OPHN1: variants seen among roughly 807,000 people sequenced by gnomAD.
The protein encoded by OPHN1 is oligophrenin-1.
A neutral mutation model predicts 60.7 loss-of-function variants in OPHN1; 11 were observed. That is an observed-to-expected ratio of 0.18 (90% CI 0.11 to 0.30). The LOEUF is 0.30. OPHN1 is among the 10% of genes least tolerant of loss of function. OPHN1 has a pLI of 1.00. For missense variants in OPHN1, 449 were observed against 611.0 expected (o/e 0.73, Z 2.80); for synonymous variants, 226 against 222.6 (o/e 1.02, Z -0.14).
rs369528679 is a variant in OPHN1 at position 68,419,405 on chromosome X, T to A, written c.154+13462A>T. ...CCCATTTAGTACCATTACAGAACAA[T>A]CATCCCCAAACTCAACATTCACAGG... On this transcript the variant is annotated intron_variant, in intron 2 of 24. Coordinates refer to ENST00000355520, the MANE Select transcript of OPHN1 (RefSeq NM_002547.3). 8.1e-5 allele frequency among the ~76,000 whole-genome samples: 9 copies of A among 110,790 alleles called. No homozygotes were observed. In the East Asian group the frequency reaches 2.3e-3, roughly 28 times the overall value.
At chrX:68,277,618 C>T (rs774820598) in intron 4 of OPHN1, among the ~76,000 whole-genome samples, 1 of 110,806 alleles carries the variant, frequency 9.0e-6, no homozygotes, top group East Asian at 2.9e-4. Context: ...GGTGAAACCC[C>T]GTCTCTGCTA....
intron 15 of OPHN1, among the ~76,000 whole-genome samples, chrX:68,175,758 G>T (rs2077411816): frequency 9.0e-6 from 1 of 111,713 alleles, no homozygotes; most frequent in African/African-American, 3.3e-5. Flanking sequence ...CCTCAATAAT[G>T]AAGGTTCTCC....
intron 2 of OPHN1, among the ~76,000 whole-genome samples, chrX:68,407,142 T>C (rs1308881975): frequency 8.9e-6 from 1 of 112,727 alleles, no homozygotes; most frequent in Non-Finnish European, 1.9e-5. Context: ...AGGCGGAGGT[T>C]GCAGTGAGCC....
At position 68,299,014 on chromosome X, in the gene OPHN1, A is replaced by G. The variant is rs143062911; in HGVS notation, c.237T>C (p.Asp79=). The G allele has an allele frequency of 1.2e-4, 138 of 1,179,997 alleles. No individual in the cohort carries two copies. In the African/African-American group the frequency reaches 2.0e-3, roughly 17 times the overall value. ...CTGAAGACTTACCGATGTTAATTTCATCATCAGTCAGAGTGTCTCCAATGA... is the reference window on the plus strand; with the variant it reads ...CTGAAGACTTACCGATGTTAATTTCGTCATCAGTCAGAGTGTCTCCAATGA... ...FDFIGDTLTD[D]EINIAESFKE... Residue 79 remains aspartate (D), a synonymous_variant, in exon 3 of 25, where the codon GAT becomes GAC. Transcript: ENST00000355520.
intron 2 of OPHN1, among the ~76,000 whole-genome samples, chrX:68,393,810 C>T (rs2078665959): frequency 9.6e-6 from 1 of 104,583 alleles, no homozygotes; most frequent in South Asian, 4.5e-4. Flanking sequence ...TGAAATGTAC[C>T]TGGGTGTCAA....
chrX:68,336,863 G>GTA (rs2078326063), intron 2 of OPHN1, among the ~76,000 whole-genome samples: 1 of 110,591 alleles, frequency 9.0e-6, no homozygotes, highest in Admixed American at 9.8e-5. Flanking sequence ...AGACCAGCCT[G>GTA]GCCAACATGG....
At chrX:68,219,732 T>C (rs1393592478) in intron 6 of OPHN1, among the ~76,000 whole-genome samples, 1 of 107,001 alleles carries the variant, frequency 9.3e-6, no homozygotes, top group Non-Finnish European at 1.9e-5. Flanking sequence ...TTGAAACCAA[T>C]GAGAACAAAG....
At chrX:68,068,465 C>T (rs1299945470) in intron 20 of OPHN1, among the ~76,000 whole-genome samples, 4 of 44,873 alleles carry the variant, frequency 8.9e-5, no homozygotes, top group African/African-American at 2.1e-4. Context: ...TGTGAGACTC[C>T]ATCTCAAAAA....
chrX:68,245,635 T>C (rs757202323), intron 5 of OPHN1, among the ~76,000 whole-genome samples: 1 of 111,906 alleles, frequency 8.9e-6, no homozygotes, highest in East Asian at 2.8e-4. Flanking sequence ...TCTGACTTTG[T>C]GTCCCATTTG....
intron 15 of OPHN1, among the ~76,000 whole-genome samples, chrX:68,137,535 C>T (rs2077225759): frequency 9.0e-6 from 1 of 111,392 alleles, no homozygotes; most frequent in African/African-American, 3.3e-5. Flanking sequence ...GAAGTCAGAC[C>T]TTCCTAAGCA....
At chrX:68,241,589 G>A (rs998053091) in intron 5 of OPHN1, among the ~76,000 whole-genome samples, 1 of 111,271 alleles carries the variant, frequency 9.0e-6, no homozygotes, top group African/African-American at 3.3e-5. Context: ...ATTTGACAAA[G>A]GTCTAGTATG....
At chrX:68,140,014 C>T (rs1280200416) in intron 15 of OPHN1, among the ~76,000 whole-genome samples, 3 of 112,543 alleles carry the variant, frequency 2.7e-5, no homozygotes, top group African/African-American at 9.7e-5. Flanking sequence ...AAGAGGGAAA[C>T]TAAACCCTAA....
chrX:68,062,559 C>T (rs749469322), intron 21 of OPHN1, among the ~76,000 whole-genome samples: 2 of 112,427 alleles, frequency 1.8e-5, no homozygotes, highest in South Asian at 7.5e-4. Flanking sequence ...GCCAAGCCCT[C>T]TTATCTAAAC....
At chrX:68,314,246 G>A (rs1189028696) in intron 2 of OPHN1, among the ~76,000 whole-genome samples, 1 of 111,640 alleles carries the variant, frequency 9.0e-6, no homozygotes, top group Non-Finnish European at 1.9e-5. Flanking sequence ...ACCGGGCCAG[G>A]CACAGTGGCT....
At position 68,234,543 on chromosome X, in the gene OPHN1, A is replaced by T; in HGVS notation, c.430T>A (p.Leu144Ile). Reference protein sequence around the residue: ...FEKDGERFYSLLDRHLHLSSK... With the variant: ...FEKDGERFYSILDRHLHLSSK... ...GACAGGTGTAAGTGCCGATCCAGTAAAGAATAAAACCTCTCACCATCCTTT... is the reference window on the plus strand; with the variant it reads ...GACAGGTGTAAGTGCCGATCCAGTATAGAATAAAACCTCTCACCATCCTTT... The change falls in exon 6 of 25, where the codon TTA becomes ATA. Residue 144 changes from leucine (L) to isoleucine (I), a missense_variant. By Grantham distance (5) the Leu-to-Ile change is conservative. Transcript: ENST00000355520. 8.3e-7 allele frequency: 1 copy of T among 1,210,509 alleles called. No individual in the cohort carries two copies. The highest frequency in any genetic ancestry group is 2.2e-5 in the Admixed American group (1 of 46,033).
intron 6 of OPHN1, among the ~76,000 whole-genome samples, chrX:68,233,442 T>C (rs1451747858): frequency 8.9e-6 from 1 of 111,945 alleles, no homozygotes; most frequent in Non-Finnish European, 1.9e-5. Context: ...TCATTGAACA[T>C]ATAGACCCCT....
intron 19 of OPHN1, among the ~76,000 whole-genome samples, chrX:68,077,548 T>C (rs1378167132): frequency 1.8e-5 from 2 of 112,352 alleles, no homozygotes; most frequent in Non-Finnish European, 3.8e-5. Flanking sequence ...TATTTTAAAG[T>C]AGCTTATGGA....
At chrX:68,242,214 C>CAAAAAA (rs753856136) in intron 5 of OPHN1, among the ~76,000 whole-genome samples, 1 of 23,996 alleles carries the variant, frequency 4.2e-5, no homozygotes, top group African/African-American at 1.2e-4. Context: ...CCCATCTCTA[C>CAAAAAA]AAAAAAAAAA....
intron 2 of OPHN1, among the ~76,000 whole-genome samples, chrX:68,345,956 G>A (rs913398523): frequency 7.2e-5 from 8 of 111,294 alleles, no homozygotes; most frequent in African/African-American, 1.3e-4. Context: ...GTGAAACCCC[G>A]TCTCTACAAA....
Sources: gnomAD v4.1 joint callset for allele counts (sites outside exome capture counted in the v4.1 genomes callset) on GRCh38, gnomAD v4.1.1 for gene constraint, MANE v1.5 for transcripts, NCBI Gene and HGNC (gene_info 2026-07-23, HGNC 2026-07-21) for gene names.